Variants in SMYD3 observed in about 807,000 individuals in gnomAD.
The protein encoded by SMYD3 is SET and MYND domain containing 3, also known as histone-lysine N-methyltransferase SMYD3.
Under a neutral mutation model 57.7 loss-of-function variants are expected in SMYD3, and 36 were observed. That is an observed-to-expected ratio of 0.62 (90% confidence interval 0.48 to 0.82). SMYD3 has a LOEUF of 0.82. SMYD3 is among the 40% of genes least tolerant of loss of function. SMYD3 has a pLI of 0.00. For synonymous variants in SMYD3, 211 were observed against 195.0 expected (o/e 1.08, Z -0.68); for missense variants, 515 against 538.8 (o/e 0.96, Z 0.44).
At chr1:246,158,389 A>G (rs921436963) in intron 5 of SMYD3, among the ~76,000 whole-genome samples, 2 of 152,228 alleles carry the variant, frequency 1.3e-5, no homozygotes, top group African/African-American at 4.8e-5. Context: ...TATGTGATGG[A>G]GAATTTTCTA....
Position 246,495,310 on chromosome 1 carries a change from C to G in SMYD3, c.164+11744G>C, listed in dbSNP as rs549372282. 1.5e-3 allele frequency among the ~76,000 whole-genome samples: 199 copies of G among 134,204 alleles called. 1 individual carries two copies. The highest frequency in any genetic ancestry group is 2.6e-3 in the Non-Finnish European group (171 of 65,410). 88.0% of individuals were successfully genotyped at this position (134,204 alleles called of 152,430 possible). ...CTTGCTGTGAGCCGAGATCATGCCA[C>G]TGCACTCCAGCCTGGGTGACAGAGC... On this transcript the variant is annotated intron_variant, in intron 1 of 11. Coordinates refer to ENST00000490107, the MANE Select transcript of SMYD3 (RefSeq NM_001167740.2).
intron 5 of SMYD3, among the ~76,000 whole-genome samples, chr1:246,162,178 C>T (rs527599945): frequency 2.6e-5 from 4 of 152,206 alleles, no homozygotes; most frequent in East Asian, 3.9e-4. Flanking sequence ...AATGCTATCC[C>T]GCAATGACCA....
intron 5 of SMYD3, among the ~76,000 whole-genome samples, chr1:246,278,414 T>C (rs1282511662): frequency 6.6e-6 from 1 of 152,184 alleles, no homozygotes; most frequent in Non-Finnish European, 1.5e-5. Flanking sequence ...ATGTCACTCC[T>C]GCCAATTACA....
At chr1:246,302,043 C>T (rs77636834) in intron 5 of SMYD3, among the ~76,000 whole-genome samples, 9,166 of 152,180 alleles carry the variant, frequency 0.06, 397 homozygotes, top group African/African-American at 0.11. Flanking sequence ...ATAGAAATAC[C>T]GCGTTTCCCT....
intron 1 of SMYD3, among the ~76,000 whole-genome samples, chr1:246,506,394 A>C (rs969214703): frequency 1.3e-5 from 2 of 152,194 alleles, no homozygotes; most frequent in African/African-American, 4.8e-5. Flanking sequence ...ATGGCACAGC[A>C]CACGGGGGAC....
At chr1:245,867,125 G>A (rs776081320) in intron 8 of SMYD3, among the ~76,000 whole-genome samples, 1 of 152,180 alleles carries the variant, frequency 6.6e-6, no homozygotes, top group East Asian at 1.9e-4. Context: ...AGAGTATCCC[G>A]GACTTTCCAG....
chr1:246,481,639 T>TA (rs2068108119), intron 1 of SMYD3, among the ~76,000 whole-genome samples: 2 of 73,246 alleles, frequency 2.7e-5, no homozygotes, highest in Non-Finnish European at 6.0e-5. Context: ...TACATACACA[T>TA]ATTCATATAT....
chr1:246,405,255 C>T (rs1411024331), intron 1 of SMYD3, among the ~76,000 whole-genome samples: 1 of 152,108 alleles, frequency 6.6e-6, no homozygotes, highest in Non-Finnish European at 1.5e-5. Context: ...CCTGGCCATA[C>T]AGTATGATAT....
chr1:245,929,179 T>C (rs1363665777), intron 6 of SMYD3, among the ~76,000 whole-genome samples: 1 of 152,234 alleles, frequency 6.6e-6, no homozygotes, highest in Non-Finnish European at 1.5e-5. Context: ...AATCATCCTA[T>C]GTTACTGCCT....
At chr1:246,488,830 G>A (rs2068226652) in intron 1 of SMYD3, among the ~76,000 whole-genome samples, 1 of 152,202 alleles carries the variant, frequency 6.6e-6, no homozygotes, top group Non-Finnish European at 1.5e-5. Context: ...AAGACAGATT[G>A]CAAAAGGAAT....
intron 4 of SMYD3, among the ~76,000 whole-genome samples, chr1:246,328,474 T>A (rs1367838857): frequency 6.6e-6 from 1 of 152,146 alleles, no homozygotes; most frequent in East Asian, 1.9e-4. Context: ...TACCTAGCAG[T>A]AATATAACAA....
chr1:246,234,443 G>A (rs2063480565), intron 5 of SMYD3, among the ~76,000 whole-genome samples: 1 of 151,386 alleles, frequency 6.6e-6, no homozygotes, highest in Non-Finnish European at 1.5e-5. Context: ...CATATACCAT[G>A]CAGAGAAGTA....
At chr1:246,150,801 A>T (rs1343561755) in intron 5 of SMYD3, among the ~76,000 whole-genome samples, 2 of 152,228 alleles carry the variant, frequency 1.3e-5, no homozygotes, top group Admixed American at 6.5e-5. Flanking sequence ...TGACATCCCA[A>T]TGGCTTACTC....
chr1:246,410,490 T>C (rs891973669), intron 1 of SMYD3, among the ~76,000 whole-genome samples: 1 of 152,274 alleles, frequency 6.6e-6, no homozygotes, highest in Non-Finnish European at 1.5e-5. Flanking sequence ...TTTTCGTATG[T>C]TGAACCAGCC....
chr1:246,507,027 A>G, intron 1 of SMYD3, 27 bp downstream of exon 1: 1 of 1,436,192 alleles, frequency 7.0e-7, no homozygotes, highest in African/African-American at 1.6e-5. Context: ...CTCGCGACTC[A>G]GGTAGGCGAG....
At chr1:246,234,424 T>C (rs1380804008) in intron 5 of SMYD3, among the ~76,000 whole-genome samples, 1 of 152,126 alleles carries the variant, frequency 6.6e-6, no homozygotes, top group Non-Finnish European at 1.5e-5. Context: ...CCATTCACAC[T>C]GTGATGAACA....
rs72776373 is a variant in SMYD3 at position 246,283,837 on chromosome 1, C to A, written c.531+43364G>T. 4.4e-3 allele frequency among the ~76,000 whole-genome samples: 668 copies of A among 152,258 alleles called. 5 individuals carry two copies. The highest frequency in any genetic ancestry group is 6.6e-3 in the Non-Finnish European group (446 of 68,038). On this transcript the variant is annotated intron_variant, in intron 5 of 11. Transcript: ENST00000490107. ...TCATAAACAAAAACTGCAGCACTTG[C>A]CAGCTTTCACAGCCCATGACAACTG...
At chr1:246,393,132 AT>A (rs1324598367) in intron 1 of SMYD3, among the ~76,000 whole-genome samples, 1 of 152,218 alleles carries the variant, frequency 6.6e-6, no homozygotes, top group Non-Finnish European at 1.5e-5. Context: ...TACAAGTTTT[AT>A]TTTAGAAAGA....
intron 1 of SMYD3, among the ~76,000 whole-genome samples, chr1:246,397,305 T>A (rs1642842431): frequency 6.6e-6 from 1 of 152,174 alleles, no homozygotes; most frequent in Non-Finnish European, 1.5e-5. Flanking sequence ...GCTTGAATCA[T>A]CCCAAAGCCA....
Sources: allele counts gnomAD v4.1 joint callset (sites outside exome capture counted in the v4.1 genomes callset), GRCh38; gene constraint gnomAD v4.1.1; transcripts MANE v1.5; gene names NCBI Gene and HGNC (gene_info 2026-07-23, HGNC 2026-07-21).